Variants in JAK1 observed in about 807,000 individuals in gnomAD.
The protein encoded by JAK1 is Janus kinase 1.
In JAK1, 16 loss-of-function variants were observed where a neutral mutation model predicts 136.6. The ratio of observed to expected loss-of-function variants is 0.12; its 90% CI spans 0.08 to 0.18. The LOEUF is 0.18. Ranked by LOEUF, JAK1 falls within the 10% of genes least tolerant of loss-of-function variation. The probability of loss-of-function intolerance (pLI) is 1.00; values close to 1 mark genes in which losing one functional copy is unlikely to be tolerated. For synonymous variants in JAK1, 492 were observed against 519.5 expected, an observed-to-expected ratio of 0.95 and a Z score of 0.72; for missense variants, 859 against 1,450.1, an observed-to-expected ratio of 0.59 and a Z score of 6.62.
chr1:65,056,193 A>G (rs1314807327), intron 1 of JAK1, among the ~76,000 whole-genome samples: 3 of 152,230 alleles, frequency 2.0e-5, no homozygotes, highest in Admixed American at 1.3e-4. Context: ...TGGTAGCATA[A>G]TAACTGGGGA....
At chr1:65,000,759 T>C (rs1001431498) in intron 2 of JAK1, among the ~76,000 whole-genome samples, 2 of 152,114 alleles carry the variant, frequency 1.3e-5, no homozygotes, top group African/African-American at 2.4e-5. Context: ...GTTTTCTGGG[T>C]GGTGGGATTT....
intron 1 of JAK1, among the ~76,000 whole-genome samples, chr1:64,955,546 C>T (rs1237379150): frequency 6.6e-6 from 1 of 152,088 alleles, no homozygotes; most frequent in African/African-American, 2.4e-5. Context: ...GGAGAGTATG[C>T]TAGAAAGTTA....
chr1:65,015,030 G>A (rs538015581), intron 2 of JAK1, among the ~76,000 whole-genome samples: 23 of 152,212 alleles, frequency 1.5e-4, no homozygotes, highest in Admixed American at 1.4e-3. Flanking sequence ...AAGAATGAGG[G>A]CATAGTATTA....
chr1:64,848,863 G>A (rs1655409134), intron 12 of JAK1, among the ~76,000 whole-genome samples: 1 of 152,126 alleles, frequency 6.6e-6, no homozygotes, highest in Non-Finnish European at 1.5e-5. Context: ...ATATTAATTT[G>A]CACAAATGCC....
At chr1:65,040,067 T>C (rs1354576580) in intron 2 of JAK1, among the ~76,000 whole-genome samples, 9 of 151,892 alleles carry the variant, frequency 5.9e-5, no homozygotes, top group Admixed American at 5.9e-4. Flanking sequence ...ATATAAAAAT[T>C]AGCCAGACAT....
chr1:64,938,899 T>G (rs1184152520), intron 1 of JAK1, among the ~76,000 whole-genome samples: 1 of 152,190 alleles, frequency 6.6e-6, no homozygotes. Context: ...CCCCTGGCAT[T>G]CTTAATGTTA....
intron 1 of JAK1, among the ~76,000 whole-genome samples, chr1:64,964,631 G>A (rs1431844748): frequency 6.6e-6 from 1 of 152,210 alleles, no homozygotes. Flanking sequence ...TGTATTCAGT[G>A]TGGAGTATCA....
At chr1:65,061,523 C>T (rs1046790125) in intron 1 of JAK1, among the ~76,000 whole-genome samples, 3 of 151,892 alleles carry the variant, frequency 2.0e-5, no homozygotes, top group Non-Finnish European at 4.4e-5. Context: ...CTGAAGGCAC[C>T]GTAAGTTGTT....
chr1:65,039,449 T>C (rs1647109754), intron 2 of JAK1, among the ~76,000 whole-genome samples: 1 of 152,218 alleles, frequency 6.6e-6, no homozygotes, highest in Non-Finnish European at 1.5e-5. Flanking sequence ...ACCATCTTTC[T>C]AGTTAAGAAA....
At chr1:65,065,086 T>C (rs1647982342) in intron 1 of JAK1, among the ~76,000 whole-genome samples, 1 of 152,200 alleles carries the variant, frequency 6.6e-6, no homozygotes, top group Admixed American at 6.5e-5. Flanking sequence ...CTCCTGCAGC[T>C]GATTTAAAAG....
intron 1 of JAK1, among the ~76,000 whole-genome samples, chr1:64,928,022 C>T (rs1403413881): frequency 2.0e-5 from 3 of 152,192 alleles, no homozygotes; most frequent in Admixed American, 6.5e-5. Context: ...CTAGCAGCAG[C>T]CCTATGGAGG....
intron 1 of JAK1, among the ~76,000 whole-genome samples, chr1:65,063,678 A>G (rs1370445709): frequency 3.3e-5 from 5 of 151,874 alleles, no homozygotes; most frequent in African/African-American, 4.8e-5. Flanking sequence ...GGTGGCACAC[A>G]CCTGTAGTCC....
At chr1:65,063,077 C>CT (rs34681811) in intron 1 of JAK1, among the ~76,000 whole-genome samples, 7 of 152,138 alleles carry the variant, frequency 4.6e-5, no homozygotes, top group South Asian at 2.1e-4. Flanking sequence ...TAGCATTGTA[C>CT]TTTTTTTGGA....
At chr1:64,878,378 T>C (rs1644708031) in intron 4 of JAK1, among the ~76,000 whole-genome samples, 1 of 151,908 alleles carries the variant, frequency 6.6e-6, no homozygotes, top group Admixed American at 6.6e-5. Flanking sequence ...CAGGTGCCCA[T>C]CAGAAGAAAA....
chr1:64,834,830 T>C (rs1654369943), intron 24 of JAK1, among the ~76,000 whole-genome samples, 173 bp from the exon 25 acceptor site: 1 of 152,226 alleles, frequency 6.6e-6, no homozygotes, highest in African/African-American at 2.4e-5. Flanking sequence ...GATACAACTC[T>C]AGTTCATAAA....
chr1:64,894,620 A>G (rs1037662375), intron 1 of JAK1, among the ~76,000 whole-genome samples: 1 of 152,104 alleles, frequency 6.6e-6, no homozygotes, highest in Non-Finnish European at 1.5e-5. Flanking sequence ...AACAAAAAAC[A>G]AAAAAGGTTA....
chr1:65,057,420 G>A (rs1647596763), intron 1 of JAK1, among the ~76,000 whole-genome samples: 1 of 152,166 alleles, frequency 6.6e-6, no homozygotes, highest in Admixed American at 6.5e-5. Context: ...CCTAATCCTG[G>A]CTGGGTATAG....
Position 64,984,885 on chromosome 1 carries a change from A to T in JAK1, c.-78+59595T>A, listed in dbSNP as rs1166630503. The T allele has an allele frequency of 1.3e-5, 16 of 1,191,786 alleles. 1 individual carries two copies. In the South Asian group the frequency reaches 1.7e-4, roughly 13 times the overall value. The allele number at this position is 1,191,786 out of a possible 1,614,324, so 73.8% of individuals were successfully genotyped here. A position where few individuals can be genotyped will look rare whatever the true frequency, so the allele number is the denominator to read the frequency against. Reference sequence around the variant, plus strand: ...GGAGGTCCAGGTGGAGCAGCCGGCCACTGCCATCACAGCTGGGCCAGGGCC... The same window carrying T: ...GGAGGTCCAGGTGGAGCAGCCGGCCTCTGCCATCACAGCTGGGCCAGGGCC... On this transcript the variant is annotated intron_variant, in intron 2 of 25. Transcript: ENST00000671954. The surrounding 1 kb of genome is among the most constrained non-coding windows in gnomAD (Gnocchi z 4.1).
intron 11 of JAK1, 22 bp from the exon 12 acceptor site, chr1:64,850,932 T>A: frequency 6.6e-7 from 1 of 1,514,522 alleles, no homozygotes; most frequent in Non-Finnish European, 9.2e-7. Flanking sequence ...ATTGGGGGAG[T>A]CTGAGCACAG....
Sources: gnomAD v4.1 joint callset for allele counts (sites outside exome capture counted in the v4.1 genomes callset) on GRCh38, gnomAD v4.1.1 for gene constraint, Gnocchi (gnomAD v3.1) non-coding constraint, MANE v1.5 for transcripts, NCBI Gene and HGNC (gene_info 2026-07-23, HGNC 2026-07-21) for gene names.